ERAP1: variants seen among roughly 807,000 people sequenced by gnomAD.
The protein encoded by ERAP1 is endoplasmic reticulum aminopeptidase 1.
ERAP1 carries 86 observed loss-of-function variants against 103.7 expected under a neutral mutation model. The ratio of observed to expected loss-of-function variants is 0.83; its 90% CI spans 0.70 to 0.99. The LOEUF (loss-of-function observed/expected upper bound fraction) is 0.99, where lower values mean the gene tolerates loss of function less well. Among genes scored for constraint, ERAP1 ranks in the 50% least tolerant of loss-of-function variants. The probability of loss-of-function intolerance (pLI) is 0.00; values close to 1 mark genes in which losing one functional copy is unlikely to be tolerated. For missense variants in ERAP1, 1,009 were observed against 1,128.4 expected (o/e 0.89, Z 1.52); for synonymous variants, 398 against 402.4 (o/e 0.99, Z 0.13).
At chr5:96,806,138 T>C (rs569137268) in intron 1 of ERAP1, 7 of 152,360 alleles carry the variant, frequency 4.6e-5, no homozygotes, top group African/African-American at 1.7e-4. Context: ...TGTGATCATG[T>C]TCGTGTGTTT....
At chr5:96,765,009 C>T (rs1318261300) in intron 19 of ERAP1, among the ~76,000 whole-genome samples, 2 of 151,630 alleles carry the variant, frequency 1.3e-5, no homozygotes, top group African/African-American at 4.9e-5. Flanking sequence ...GCCCTCCAAC[C>T]CCAGTAGGGT....
At chr5:96,906,570 G>A in the ERAP1 span, among the ~76,000 whole-genome samples, 1 of 152,208 alleles carries the variant, frequency 6.6e-6, no homozygotes, top group South Asian at 2.1e-4. Flanking sequence ...ACCCAGAATG[G>A]AGAGAGAATT....
chr5:96,926,886 A>G, the ERAP1 span, among the ~76,000 whole-genome samples: 1 of 152,068 alleles, frequency 6.6e-6, no homozygotes, highest in Non-Finnish European at 1.5e-5. Context: ...GTGCAGTCTC[A>G]GCTCGCTGCA....
At position 96,783,107 on chromosome 5, in the gene ERAP1, G is replaced by T. The variant is rs146423238; in HGVS notation, c.2229C>A (p.Cys743Ter). The T allele has an allele frequency of 1.1e-4, 177 of 1,614,124 alleles. 1 individual carries two copies. In the South Asian group the frequency reaches 1.9e-3, roughly 17 times the overall value. The stretch of plus-strand genomic sequence containing the variant: ...TGAAATAGCCTTCTGCCCTCTGTAC[G>T]CACGGCTGATAGTTGTGCACACAGG... Reference protein sequence around the residue: ...LLACVHNYQPCVQRAEGYFRK... With the variant: ...LLACVHNYQP Residue 743 changes from cysteine (C) to a stop codon, truncating the protein, a stop_gained, in exon 15 of 19, where the codon TGC (cysteine) becomes TGA (stop). Transcript: ENST00000443439. LOFTEE classifies it high-confidence loss of function.
At chr5:96,889,183 A>T in the ERAP1 span, 16 of 1,613,866 alleles carry the variant, frequency 9.9e-6, no homozygotes, top group Middle Eastern at 3.3e-4. Flanking sequence ...CACATTTCCC[A>T]GGTGTCCATC....
At chr5:96,870,361 A>C in the ERAP1 span, among the ~76,000 whole-genome samples, 1 of 152,238 alleles carries the variant, frequency 6.6e-6, no homozygotes, top group Non-Finnish European at 1.5e-5. Context: ...CGTTGTCCAA[A>C]CCACAAAAAT....
At chr5:96,828,466 G>A in the ERAP1 span, among the ~76,000 whole-genome samples, 2 of 152,018 alleles carry the variant, frequency 1.3e-5, no homozygotes, top group African/African-American at 4.8e-5. Flanking sequence ...TATTTACTAA[G>A]AGAAAAATAA....
the ERAP1 span, chr5:96,908,879 CTATT>C: frequency 1.5e-6 from 2 of 1,378,048 alleles, no homozygotes; most frequent in South Asian, 1.4e-5. Context: ...TTATTGTTCT[CTATT>C]TCATATTTGT....
At chr5:96,910,427 G>A in the ERAP1 span, 2 of 148,940 alleles carry the variant, frequency 1.3e-5, no homozygotes, top group Non-Finnish European at 3.0e-5. Context: ...TTTCCTTGTT[G>A]GGATTCAAGC....
the ERAP1 span, chr5:96,903,635 T>G: frequency 7.7e-7 from 1 of 1,300,982 alleles, no homozygotes; most frequent in Non-Finnish European, 1.1e-6. Context: ...CAATATTGAA[T>G]GTTCAACATT....
upstream of ERAP1, among the ~76,000 whole-genome samples, chr5:96,812,365 G>A (rs1303236756): frequency 6.6e-6 from 1 of 152,152 alleles, no homozygotes; most frequent in Non-Finnish European, 1.5e-5. Context: ...TGAAATATCA[G>A]AATTTACTAG....
chr5:96,765,347 A>G (rs1368715953), intron 19 of ERAP1: 1 of 994,614 alleles, frequency 1.0e-6, no homozygotes, highest in Non-Finnish European at 1.4e-6. Flanking sequence ...AAAAAAAAAA[A>G]AAAAAATTCA....
chr5:96,883,914 T>C, the ERAP1 span: 1 of 1,607,110 alleles, frequency 6.2e-7, no homozygotes, highest in Non-Finnish European at 8.5e-7. Flanking sequence ...CATATTGCAC[T>C]ATCCAACATG....
At chr5:96,925,911 C>CTTTTT in the ERAP1 span, among the ~76,000 whole-genome samples, 28 of 105,672 alleles carry the variant, frequency 2.6e-4, no homozygotes, top group African/African-American at 4.3e-4. Context: ...GTATAATTTG[C>CTTTTT]TTTTTTTTTT....
At chr5:96,828,219 G>T in the ERAP1 span, among the ~76,000 whole-genome samples, 1 of 152,142 alleles carries the variant, frequency 6.6e-6, no homozygotes. Flanking sequence ...ACAGGGGTAA[G>T]CCTCTAATTT....
the ERAP1 span, among the ~76,000 whole-genome samples, chr5:96,924,091 G>T: frequency 6.6e-6 from 1 of 152,236 alleles, no homozygotes; most frequent in East Asian, 1.9e-4. Context: ...AAGTGAGGAA[G>T]AAATGGAAAA....
rs1778230571 is a variant in ERAP1 at position 96,803,615 on chromosome 5, C to A, written c.312G>T (p.Arg104Ser). 2 of 1,613,952 alleles carry A rather than the reference C, an allele frequency of 1.2e-6. No individual in the cohort carries two copies. Among genetic ancestry groups the A allele is most frequent in the Middle Eastern group, 3.3e-4 (2 of 6,084 alleles). Residue 104 changes from arginine (R) to serine (S), a missense_variant, in exon 2 of 19, where the codon AGG becomes AGT. Transcript: ENST00000443439. ...CTCCAGCTCCCTTCCTGAGGGTGGC[C>A]CTAGATATCTGCAGGTGGTGACTAT... is the stretch of plus-strand genomic sequence containing the variant. ...ILHSHHLQIS[R>S]ATLRKGAGER...
At chr5:96,778,829 T>C (rs1360345350) in intron 18 of ERAP1, among the ~76,000 whole-genome samples, 8 of 152,206 alleles carry the variant, frequency 5.3e-5, no homozygotes, top group Non-Finnish European at 8.8e-5. Flanking sequence ...ATCCAGTGCA[T>C]GTGCTGAGGG....
the ERAP1 span, among the ~76,000 whole-genome samples, chr5:96,840,487 T>C: frequency 1.3e-5 from 2 of 152,160 alleles, no homozygotes; most frequent in Non-Finnish European, 2.9e-5. Context: ...CTAATAACAA[T>C]AGCCTACCAA....
Sources: gnomAD v4.1 joint callset for allele counts (sites outside exome capture counted in the v4.1 genomes callset) on GRCh38, gnomAD v4.1.1 for gene constraint, MANE v1.5 for transcripts, NCBI Gene and HGNC (gene_info 2026-07-23, HGNC 2026-07-21) for gene names.